The following MTMR12 variants were observed in gnomAD, a reference collection of about 807,000 sequenced individuals.
MTMR12 encodes the protein myotubularin related protein 12.
Under a neutral mutation model 96.7 loss-of-function variants are expected in MTMR12, and 33 were observed. The ratio of observed to expected loss-of-function variants is 0.34; its 90% confidence interval spans 0.26 to 0.46. MTMR12 has a LOEUF of 0.46. Among genes scored for constraint, MTMR12 ranks in the 20% least tolerant of loss-of-function variants. The probability of loss-of-function intolerance (pLI) is 1.00; values close to 1 mark genes in which losing one functional copy is unlikely to be tolerated. For missense variants in MTMR12, 721 were observed against 896.1 expected, an observed-to-expected ratio of 0.80 and a Z score of 2.49; for synonymous variants, 298 against 327.2, an observed-to-expected ratio of 0.91 and a Z score of 0.96.
chr5:32,249,200 T>G (rs1020910852), intron 8 of MTMR12, among the ~76,000 whole-genome samples: 1 of 152,218 alleles, frequency 6.6e-6, no homozygotes. Flanking sequence ...AAGTGCAGCT[T>G]ATTACATGTC....
At chr5:32,311,090 A>C in intron 1 of MTMR12, among the ~76,000 whole-genome samples, 1 of 152,106 alleles carries the variant, frequency 6.6e-6, no homozygotes, top group East Asian at 1.9e-4. Context: ...TTCTGACCTC[A>C]GGTGATCCAC....
At chr5:32,264,273 A>G (rs1249130367) in intron 6 of MTMR12, among the ~76,000 whole-genome samples, 1 of 152,172 alleles carries the variant, frequency 6.6e-6, no homozygotes, top group African/African-American at 2.4e-5. Context: ...ATATACACAA[A>G]TTCTATCACA....
intron 7 of MTMR12, among the ~76,000 whole-genome samples, chr5:32,257,952 T>A (rs1054522913): frequency 6.6e-6 from 1 of 151,838 alleles, no homozygotes; most frequent in Non-Finnish European, 1.5e-5. Context: ...TATAAGTTTT[T>A]TGTAGTCATA....
intron 1 of MTMR12, among the ~76,000 whole-genome samples, chr5:32,292,527 G>C (rs1470443976): frequency 6.6e-6 from 1 of 152,212 alleles, no homozygotes; most frequent in Non-Finnish European, 1.5e-5. Context: ...TAAGAAGGGA[G>C]TTACAGTGTT....
At chr5:32,289,146 G>A (rs1236765319) in intron 1 of MTMR12, among the ~76,000 whole-genome samples, 16 of 152,186 alleles carry the variant, frequency 1.1e-4, no homozygotes, top group Non-Finnish European at 1.0e-4. Context: ...ATGGATGGTA[G>A]AGACAAAGCA....
At chr5:32,252,195 C>G (rs933560340) in intron 8 of MTMR12, among the ~76,000 whole-genome samples, 1 of 152,174 alleles carries the variant, frequency 6.6e-6, no homozygotes, top group African/African-American at 2.4e-5. Context: ...ACCAATTATA[C>G]AGGTCTTCCT....
At chr5:32,252,173 A>T (rs190721884) in intron 8 of MTMR12, among the ~76,000 whole-genome samples, 36 of 152,326 alleles carry the variant, frequency 2.4e-4, no homozygotes, top group African/African-American at 8.7e-4. Context: ...CGGCAAGGAC[A>T]TGAATAAACT....
intron 1 of MTMR12, among the ~76,000 whole-genome samples, chr5:32,295,189 A>G (rs1750880112): frequency 6.6e-6 from 1 of 152,256 alleles, no homozygotes; most frequent in Admixed American, 6.5e-5. Context: ...CTCATTCCCC[A>G]TGCTTCTGAA....
At chr5:32,301,851 C>G (rs11960133) in intron 1 of MTMR12, among the ~76,000 whole-genome samples, 1 of 151,896 alleles carries the variant, frequency 6.6e-6, no homozygotes, top group Non-Finnish European at 1.5e-5. Flanking sequence ...GCACTCCAGC[C>G]TGGGTGACAG....
intron 1 of MTMR12, among the ~76,000 whole-genome samples, chr5:32,284,039 T>A (rs1581632441): frequency 6.6e-6 from 1 of 152,272 alleles, no homozygotes; most frequent in African/African-American, 2.4e-5. Flanking sequence ...CGGTGGCTTA[T>A]GCCTGTAATC....
chr5:32,301,946 A>AAAAAAC (rs1195245628), intron 1 of MTMR12, among the ~76,000 whole-genome samples: 1 of 152,174 alleles, frequency 6.6e-6, no homozygotes, highest in Non-Finnish European at 1.5e-5. Flanking sequence ...AGCAAAAGCA[A>AAAAAAC]AAAAACAAAA....
chr5:32,271,785 C>G, intron 4 of MTMR12, 48 bp downstream of exon 4: 2 of 1,131,426 alleles, frequency 1.8e-6, no homozygotes, highest in Admixed American at 2.8e-5. Context: ...TCATTATCAC[C>G]TATACTCTCA....
chr5:32,299,100 CAT>C (rs1354191514), intron 1 of MTMR12, among the ~76,000 whole-genome samples: 1 of 152,060 alleles, frequency 6.6e-6, no homozygotes, highest in Non-Finnish European at 1.5e-5. Flanking sequence ...CACACACACA[CAT>C]ACCTGCAGCT....
Position 32,228,604 on chromosome 5 carries a change from A to C in MTMR12, c.*1174T>G, listed in dbSNP as rs1267532803. On this transcript the variant is annotated 3_prime_UTR_variant, in exon 16 of 16. Coordinates refer to ENST00000382142, the MANE Select transcript of MTMR12 (RefSeq NM_001040446.3). ...TCATATATATGTGATATATATATATATATCATATATATGATATATATATAT... is the reference window on the plus strand; with the variant it reads ...TCATATATATGTGATATATATATATCTATCATATATATGATATATATATAT... 1 of 109,992 alleles carries C rather than the reference A, an allele frequency of 9.1e-6. No individual in the cohort carries two copies. The allele number at this position is 109,992 out of a possible 1,614,324, so 6.8% of individuals were successfully genotyped here. A position where few individuals can be genotyped will look rare whatever the true frequency, so the allele number is the denominator to read the frequency against.
intron 1 of MTMR12, among the ~76,000 whole-genome samples, chr5:32,281,095 A>G (rs1750273409): frequency 6.6e-6 from 1 of 151,804 alleles, no homozygotes; most frequent in African/African-American, 2.4e-5. Flanking sequence ...TGAAAATACA[A>G]AAATTGGCAG....
At chr5:32,261,964 C>T (rs769638549) in intron 7 of MTMR12, among the ~76,000 whole-genome samples, 34 of 152,102 alleles carry the variant, frequency 2.2e-4, no homozygotes, top group Non-Finnish European at 4.4e-4. Context: ...CCAAGCTACT[C>T]AGGAGGCTGA....
At chr5:32,296,453 T>C (rs1314931990) in intron 1 of MTMR12, 1 of 359,472 alleles carries the variant, frequency 2.8e-6, no homozygotes, top group Non-Finnish European at 5.9e-6. Context: ...CATTCCAGTC[T>C]GGGCAACAGA....
chr5:32,278,754 C>T (rs1750159976), intron 1 of MTMR12, among the ~76,000 whole-genome samples: 1 of 152,118 alleles, frequency 6.6e-6, no homozygotes, highest in African/African-American at 2.4e-5. Context: ...ACTATTCCTG[C>T]ATGTTAAAAG....
chr5:32,241,476 C>T (rs956308706), intron 12 of MTMR12, among the ~76,000 whole-genome samples: 5 of 152,174 alleles, frequency 3.3e-5, no homozygotes, highest in South Asian at 2.1e-4. Context: ...TGGGGCTAAA[C>T]GAAACATAGT....
Sources: allele counts gnomAD v4.1 joint callset (sites outside exome capture counted in the v4.1 genomes callset), GRCh38; gene constraint gnomAD v4.1.1; transcripts MANE v1.5; gene names NCBI Gene and HGNC (gene_info 2026-07-23, HGNC 2026-07-21).